Variants in PLIN2 observed in about 807,000 individuals in gnomAD.
PLIN2 encodes the protein perilipin 2.
Under a neutral mutation model 30.6 loss-of-function variants are expected in PLIN2, and 33 were observed. That is an observed-to-expected ratio of 1.08 (90% CI 0.82 to 1.44). The LOEUF (loss-of-function observed/expected upper bound fraction) is 1.44, where lower values mean the gene tolerates loss of function less well. Ranked by LOEUF, PLIN2 falls within the 40% of genes most tolerant of loss-of-function variation. PLIN2 has a pLI of 0.00. For missense variants in PLIN2, 610 were observed against 531.8 expected (o/e 1.15, Z -1.45); for synonymous variants, 205 against 201.1 (o/e 1.02, Z -0.16).
At chr9:19,123,318 C>T in intron 4 of PLIN2, 1 of 1,535,370 alleles carries the variant, frequency 6.5e-7, no homozygotes, top group Non-Finnish European at 8.8e-7. Context: ...GGAGCAAAGA[C>T]ACAAACTGAT....
At chr9:19,114,811 G>T (rs1818198523), downstream of PLIN2, among the ~76,000 whole-genome samples, 1 of 152,210 alleles carries the variant, frequency 6.6e-6, no homozygotes, top group Non-Finnish European at 1.5e-5. Flanking sequence ...GAATGGACTA[G>T]AAGTCTGGAT....
At position 19,126,809 on chromosome 9, in the gene PLIN2, A is replaced by AG. The variant is rs893555700; in HGVS notation, c.-22-362dup. On this transcript the variant is annotated intron_variant, in intron 1 of 7. Coordinates refer to ENST00000276914, the MANE Select transcript of PLIN2 (RefSeq NM_001122.4). ...GTAATCCCAGCACTTTGGGAGGCCG[A>AG]GGGGGGTGGACTGCTTGATGTCAGG... Among the ~76,000 whole-genome samples the AG allele has an allele frequency of 9.9e-5, 15 of 152,254 alleles. No individual in the cohort carries two copies. The East Asian group carries it at 1.5e-3, about 16-fold the overall frequency.
At chr9:19,123,537 AG>A in intron 4 of PLIN2, 27 bp downstream of exon 4, 1 of 1,614,164 alleles carries the variant, frequency 6.2e-7, no homozygotes, top group African/African-American at 1.3e-5. Context: ...TGAAGTGTCA[AG>A]TCTCAGCACT....
At chr9:19,119,891 C>A (rs1055390242) in intron 5 of PLIN2, 60 bp from the exon 6 acceptor site, 2 of 1,117,024 alleles carry the variant, frequency 1.8e-6, no homozygotes, top group African/African-American at 1.6e-5. Context: ...GTGATAAGGC[C>A]TGGACTCTAA....
rs547374218 is a variant in PLIN2, at chr9:19,120,102, A to C, written c.596-271T>G. Among the ~76,000 whole-genome samples the C allele has an allele frequency of 1.9e-3, 282 of 151,516 alleles. 1 individual carries two copies. The highest frequency in any genetic ancestry group is 6.4e-3 in the African/African-American group (266 of 41,282). On this transcript the variant is annotated intron_variant, in intron 5 of 7. Transcript: ENST00000276914. ...GGAAACAGGTCTTGCTTTGTTGCCC[A>C]GGCTGGAGTACAGTGGCACAATTTT...
intron 5 of PLIN2, among the ~76,000 whole-genome samples, chr9:19,120,137 C>A (rs1188100591): frequency 6.6e-6 from 1 of 151,940 alleles, no homozygotes; most frequent in African/African-American, 2.4e-5. Context: ...TGGCTCACTG[C>A]AGCCTCAACC....
chr9:19,113,221 T>C (rs769472864), downstream of PLIN2, among the ~76,000 whole-genome samples: 6 of 151,816 alleles, frequency 4.0e-5, no homozygotes, highest in Non-Finnish European at 7.4e-5. Flanking sequence ...TGCACGCCTA[T>C]ACTTGGGAGG....
chr9:19,113,780 T>G (rs1385338518), downstream of PLIN2, among the ~76,000 whole-genome samples: 1 of 150,028 alleles, frequency 6.7e-6, no homozygotes, highest in African/African-American at 2.4e-5. Context: ...TTTGGTTTTT[T>G]TTTTTTTTTG....
rs34801012 is a variant in PLIN2, at chr9:19,126,125, A to G, written c.215T>C (p.Leu72Pro). ...AAATCAGAACTCACTTTGCGGCTCT[A>G]GCTTCTGGATGATGGGCAGAGCACT... ...MTSALPIIQK[L>P]EPQIAVANTY... Residue 72 changes from leucine (L) to proline (P), a missense_variant, in exon 3 of 8, where the codon CTA becomes CCA. Transcript: ENST00000276914. 1.5e-5 allele frequency: 24 copies of G among 1,613,656 alleles called. No individual in the cohort carries two copies. The Admixed American group carries it at 4.0e-4, about 27-fold the overall frequency.
intron 1 of PLIN2, among the ~76,000 whole-genome samples, chr9:19,126,726 TTCTCCGAG>T (rs1818406719): frequency 6.6e-6 from 1 of 152,202 alleles, no homozygotes; most frequent in African/African-American, 2.4e-5. Flanking sequence ...CTTCTCTTGT[TTCTCCGAG>T]TATCTGTTAA....
At chr9:19,110,567 C>G (rs34490350) in intron 2 of PLIN2, among the ~76,000 whole-genome samples, 9,267 of 152,194 alleles carry the variant, frequency 0.061, 320 homozygotes, top group East Asian at 0.11. Context: ...CCTCCACCTC[C>G]CAGGTTCAAG....
chr9:19,123,826 C>T (rs980884034), intron 3 of PLIN2, among the ~76,000 whole-genome samples, 179 bp from the exon 4 acceptor site: 12 of 152,094 alleles, frequency 7.9e-5, no homozygotes, highest in Non-Finnish European at 1.3e-4. Context: ...CGAGACCATC[C>T]TGGCCAACAT....
At chr9:19,114,033 C>G (rs1163832327), downstream of PLIN2, among the ~76,000 whole-genome samples, 1 of 152,134 alleles carries the variant, frequency 6.6e-6, no homozygotes, top group East Asian at 1.9e-4. Context: ...CAGCCTCAGC[C>G]TCCCAATGTG....
chr9:19,121,974 C>G (rs753093401), intron 4 of PLIN2, among the ~76,000 whole-genome samples: 2 of 151,448 alleles, frequency 1.3e-5, no homozygotes, highest in Non-Finnish European at 2.9e-5. Context: ...CTGGGTGTGG[C>G]GGGGCGTGCC....
At position 19,118,270 on chromosome 9, in the gene PLIN2, C is replaced by G. The variant is rs577620394; in HGVS notation, c.912+51G>C. 9.2e-6 allele frequency: 14 copies of G among 1,515,886 alleles called. No homozygotes were observed. In the South Asian group the frequency reaches 1.4e-4, roughly 15 times the overall value. The allele number at this position is 1,515,886 out of a possible 1,614,324, so 93.9% of individuals were successfully genotyped here. ...GTATGGAAAAATTGAAATGAAAAGT[C>G]TGATAAGAACTTCTTCAGCAACCAA... On this transcript the variant is annotated intron_variant, in intron 7 of 7. Coordinates refer to ENST00000276914, the MANE Select transcript of PLIN2 (RefSeq NM_001122.4).
chr9:19,123,361 G>A (rs1215619927), intron 4 of PLIN2: 4 of 1,550,516 alleles, frequency 2.6e-6, no homozygotes, highest in African/African-American at 1.4e-5. Context: ...TAATCCAAAG[G>A]AGGCTAGTTC....
downstream of PLIN2, among the ~76,000 whole-genome samples, chr9:19,111,329 T>G (rs1226803174): frequency 6.6e-6 from 1 of 152,192 alleles, no homozygotes; most frequent in Admixed American, 6.6e-5. Context: ...ATTACAGGCA[T>G]GAGCCACCGC....
intron 4 of PLIN2, among the ~76,000 whole-genome samples, chr9:19,122,108 CAAAAAAAAAAAAAAA>C (rs59357707): frequency 3.2e-5 from 2 of 63,308 alleles, no homozygotes; most frequent in Non-Finnish European, 5.4e-5. Context: ...GACTCTGTCT[CAAAAAAAAAAAAAAA>C]AAAAAAAAAA....
chr9:19,123,111 T>A, intron 4 of PLIN2: 1 of 470,714 alleles, frequency 2.1e-6, no homozygotes, highest in Non-Finnish European at 3.8e-6. Context: ...AACAAAATTT[T>A]AGGACATTAT....
Sources: gnomAD v4.1 joint callset for allele counts (sites outside exome capture counted in the v4.1 genomes callset) on GRCh38, gnomAD v4.1.1 for gene constraint, MANE v1.5 for transcripts, NCBI Gene and HGNC (gene_info 2026-07-23, HGNC 2026-07-21) for gene names.